CD47: variants seen among roughly 807,000 people sequenced by gnomAD.
The protein encoded by CD47 is leukocyte surface antigen CD47.
CD47 carries 11 observed loss-of-function variants against 44.6 expected under a neutral mutation model. The ratio of observed to expected loss-of-function variants is 0.25; its 90% confidence interval spans 0.16 to 0.41. The LOEUF (loss-of-function observed/expected upper bound fraction) is 0.41. CD47 is among the 10% of genes least tolerant of loss of function. The probability of loss-of-function intolerance (pLI) is 1.00; values close to 1 mark genes in which losing one functional copy is unlikely to be tolerated. For synonymous variants in CD47, 140 were observed against 136.3 expected (o/e 1.03, Z -0.19); for missense variants, 306 against 386.7 (o/e 0.79, Z 1.75).
At chr3:108,072,668 T>C (rs2079227761) in intron 2 of CD47, among the ~76,000 whole-genome samples, 1 of 152,196 alleles carries the variant, frequency 6.6e-6, no homozygotes, top group Non-Finnish European at 1.5e-5. Context: ...AATATCTTCT[T>C]ATGCCAAAGA....
intron 1 of CD47, among the ~76,000 whole-genome samples, chr3:108,084,142 T>C (rs1471843702): frequency 2.0e-5 from 3 of 152,036 alleles, no homozygotes; most frequent in African/African-American, 4.8e-5. Context: ...ATTAACAATC[T>C]ATAAGCATTT....
intron 4 of CD47, among the ~76,000 whole-genome samples, chr3:108,060,265 A>C (rs1370122337): frequency 6.6e-6 from 1 of 152,252 alleles, no homozygotes; most frequent in African/African-American, 2.4e-5. Flanking sequence ...ATACTGCATT[A>C]TATGGCAAAA....
At position 108,047,298 on chromosome 3, in the gene CD47, A is replaced by G. The variant is rs1290547425; in HGVS notation, c.968-6T>C. 2 of 1,603,986 alleles carry G rather than the reference A, an allele frequency of 1.2e-6. No homozygotes were observed. The highest frequency in any genetic ancestry group is 3.4e-5 in the Admixed American group (2 of 59,576). On this transcript the variant is annotated splice_polypyrimidine_tract_variant and splice_region_variant and intron_variant, in intron 10 of 10. Transcript: ENST00000361309. ...ATCACTTCACTTCAGTTATTCTGGAAAATTGAAAAATGAACACATAATCAC... is the reference window on the plus strand; with the variant it reads ...ATCACTTCACTTCAGTTATTCTGGAGAATTGAAAAATGAACACATAATCAC...
At chr3:108,086,386 C>G (rs918948430) in intron 1 of CD47, among the ~76,000 whole-genome samples, 2 of 152,018 alleles carry the variant, frequency 1.3e-5, no homozygotes, top group African/African-American at 4.8e-5. Flanking sequence ...CTAAAACTTA[C>G]AGTAATCAAC....
In CD47 at chr3:108,044,983, T is replaced by C. The variant is rs1439781853; in HGVS notation, c.*2305A>G. ...TGATGTGATGGAATTTGGGAGCCAT[T>C]ACAAATCTGATTTAAAGAGAAGGAA... On this transcript the variant is annotated 3_prime_UTR_variant, in exon 11 of 11. Coordinates refer to ENST00000361309, the MANE Select transcript of CD47 (RefSeq NM_001777.4). 2.0e-5 allele frequency: 3 copies of C among 152,606 alleles called. No individual in the cohort carries two copies. The highest frequency in any genetic ancestry group is 4.4e-5 in the Non-Finnish European group (3 of 68,044). The allele number at this position is 152,606 out of a possible 1,614,324, so 9.5% of individuals were successfully genotyped here. A position where few individuals can be genotyped will look rare whatever the true frequency, so the allele number is the denominator to read the frequency against.
At chr3:108,052,164 T>C (rs568632969) in intron 7 of CD47, 194 bp from the exon 8 acceptor site, 43 of 419,182 alleles carry the variant, frequency 1.0e-4, no homozygotes, top group East Asian at 9.0e-5. Context: ...ATTTGAAAAA[T>C]GAAGCAAATA....
rs969598593 is a variant in CD47, at chr3:108,051,541, T to C, written c.909+398A>G. Among the ~76,000 whole-genome samples, 6 of 152,360 alleles carry C rather than the reference T, an allele frequency of 3.9e-5. No homozygotes were observed. The South Asian group carries it at 1.2e-3, about 32-fold the overall frequency. On this transcript the variant is annotated intron_variant, in intron 8 of 10. Transcript: ENST00000361309. ...TTATTTTATAGATTATAATTATCAG[T>C]GATGTCAACTTAGTATAGATTTCTC...
At chr3:108,084,722 A>G (rs1173671365) in intron 1 of CD47, among the ~76,000 whole-genome samples, 1 of 151,996 alleles carries the variant, frequency 6.6e-6, no homozygotes, top group Non-Finnish European at 1.5e-5. Flanking sequence ...TCTATCATCT[A>G]CCAGTGAACC....
chr3:108,061,158 G>T (rs867834017), intron 3 of CD47, among the ~76,000 whole-genome samples: 5 of 150,432 alleles, frequency 3.3e-5, no homozygotes, highest in Middle Eastern at 3.4e-3. Flanking sequence ...ATAAGTTTTT[G>T]GGGGGAGGGG....
chr3:108,090,878 C>T lies in CD47; in HGVS notation c.31G>A (p.Gly11Ser). 1.3e-6 allele frequency: 2 copies of T among 1,492,584 alleles called. No individual in the cohort carries two copies. Among genetic ancestry groups the T allele is most frequent in the Non-Finnish European group, 1.8e-6 (2 of 1,127,090 alleles). 92.5% of individuals were successfully genotyped at this position (1,492,584 alleles called of 1,614,324 possible). A position where few individuals can be genotyped will look rare whatever the true frequency, so the allele number is the denominator to read the frequency against. Residue 11 changes from glycine (G) to serine (S), a missense_variant, in exon 1 of 11, where the codon GGC becomes AGC. Around this residue, in one of 5 missense-constraint regions of CD47, gnomAD observed 38 missense variants for 42.7 expected, o/e 0.89. Coordinates refer to ENST00000361309, the MANE Select transcript of CD47 (RefSeq NM_001777.4). Reference sequence around the variant, plus strand: ...AGCCACTCACCGCAGCACGCCGAGCCCAGCAACAGCGCCGCTACCAGGGGC... The same window carrying T: ...AGCCACTCACCGCAGCACGCCGAGCTCAGCAACAGCGCCGCTACCAGGGGC... MWPLVAALLL[G>S]SACCGSAQLL... is the part of the protein sequence containing the mutation.
At chr3:108,061,391 C>T (rs933655616) in intron 3 of CD47, among the ~76,000 whole-genome samples, 3 of 151,680 alleles carry the variant, frequency 2.0e-5, no homozygotes. Flanking sequence ...GAATTTTGTC[C>T]TACCTTATAA....
At position 108,076,191 on chromosome 3, in the gene CD47, T is replaced by C. The variant is rs183909075; in HGVS notation, c.400+3800A>G. On this transcript the variant is annotated intron_variant, in intron 2 of 10. Coordinates refer to ENST00000361309, the MANE Select transcript of CD47 (RefSeq NM_001777.4). Reference sequence around the variant, plus strand: ...TTTGAGCTAAAAAATGGGTAGTGTTTTAAGCTGCTATATTTGTAGTTGTTA... The same window carrying C: ...TTTGAGCTAAAAAATGGGTAGTGTTCTAAGCTGCTATATTTGTAGTTGTTA... 5.3e-5 allele frequency among the ~76,000 whole-genome samples: 8 copies of C among 152,328 alleles called. No homozygotes were observed. The East Asian group carries it at 1.5e-3, about 29-fold the overall frequency.
Position 108,043,423 on chromosome 3 carries a change from A to C in CD47, c.*3865T>G, listed in dbSNP as rs2078660517. 6.6e-6 allele frequency: 1 copy of C among 152,420 alleles called. No homozygotes were observed. The highest frequency in any genetic ancestry group is 2.4e-5 in the African/African-American group (1 of 41,420). The allele number at this position is 152,420 out of a possible 1,614,324, so 9.4% of individuals were successfully genotyped here. ...GATATTCAAAGCTTTAAACAGTGATAAATTGATTTAATACATATAAAAAAA... is the reference window on the plus strand; with the variant it reads ...GATATTCAAAGCTTTAAACAGTGATCAATTGATTTAATACATATAAAAAAA... On this transcript the variant is annotated 3_prime_UTR_variant, in exon 11 of 11. Transcript: ENST00000361309.
chr3:108,090,791 TGGGGCGCAGCCCACACGCCCGCG>T, intron 1 of CD47, 49 bp downstream of exon 1: 1 of 1,345,304 alleles, frequency 7.4e-7, no homozygotes. Context: ...CCGGGCTGGC[TGGGGCGCAGCCCACACGCCCGCG>T]GGGGCGAAGC....
chr3:108,085,066 C>T lies in CD47; in HGVS notation c.47-4722G>A, dbSNP rs75149705. Among the ~76,000 whole-genome samples the T allele has an allele frequency of 6.5e-4, 99 of 152,202 alleles. 1 individual carries two copies. In the East Asian group the frequency reaches 0.016, roughly 24 times the overall value. On this transcript the variant is annotated intron_variant, in intron 1 of 10. Transcript: ENST00000361309. ...TAAGTACATTAGCATGGAATACAAA[C>T]GAGGTCCTTCAAGATCCTTTCCAGC...
chr3:108,061,988 T>C (rs2079023019), intron 3 of CD47, among the ~76,000 whole-genome samples: 1 of 152,180 alleles, frequency 6.6e-6, no homozygotes, highest in Admixed American at 6.5e-5. Context: ...ATATGACAGG[T>C]ACCTAAATAT....
rs146460405 is a variant in CD47 at position 108,072,172 on chromosome 3, G to A, written c.401-990C>T. On this transcript the variant is annotated intron_variant, in intron 2 of 10. Transcript: ENST00000361309. ...GCTCTAACAATAAAGCCAAGTAAAT[G>A]TACTGAAAGTATTCCGGAGTTTGCC... Among the ~76,000 whole-genome samples, 1,103 of 152,298 alleles carry A rather than the reference G, an allele frequency of 7.2e-3. 13 individuals are homozygous for A. The highest frequency in any genetic ancestry group is 0.025 in the African/African-American group (1,057 of 41,560).
intron 2 of CD47, among the ~76,000 whole-genome samples, chr3:108,078,848 C>G (rs939097360): frequency 2.0e-5 from 3 of 151,974 alleles, no homozygotes; most frequent in African/African-American, 7.2e-5. Context: ...ACATTTACAA[C>G]ACACTTTGGT....
intron 3 of CD47, among the ~76,000 whole-genome samples, chr3:108,063,306 G>T (rs2079051748): frequency 6.6e-6 from 1 of 152,116 alleles, no homozygotes; most frequent in Non-Finnish European, 1.5e-5. Context: ...CTGGTCCCAG[G>T]CATTCTGGAT....
Sources: gnomAD v4.1 joint callset for allele counts (sites outside exome capture counted in the v4.1 genomes callset) on GRCh38, gnomAD v4.1.1 for gene constraint, gnomAD v4.1.1 regional missense constraint, MANE v1.5 for transcripts, NCBI Gene and HGNC (gene_info 2026-07-23, HGNC 2026-07-21) for gene names.